ATP9B: variants seen among roughly 807,000 people sequenced by gnomAD.
The protein encoded by ATP9B is probable phospholipid-transporting ATPase IIB.
Under a neutral mutation model 146.1 loss-of-function variants are expected in ATP9B, and 110 were observed. The observed-to-expected ratio is 0.75, with a 90% CI of 0.65 to 0.88. ATP9B has a LOEUF of 0.88. Among genes scored for constraint, ATP9B ranks in the 40% least tolerant of loss-of-function variants. The probability of loss-of-function intolerance (pLI) is 0.00; values close to 1 mark genes in which losing one functional copy is unlikely to be tolerated. For missense variants in ATP9B, 1,499 were observed against 1,496.4 expected, an observed-to-expected ratio of 1.00 and a Z score of -0.03; for synonymous variants, 604 against 569.7, an observed-to-expected ratio of 1.06 and a Z score of -0.86.
chr18:79,154,438 G>A (rs2094741848), intron 6 of ATP9B, 66 bp from the exon 7 acceptor site: 1 of 1,115,912 alleles, frequency 9.0e-7, no homozygotes, highest in Non-Finnish European at 1.3e-6. Flanking sequence ...TTCTTATTTG[G>A]AATGGAATTG....
At chr18:79,279,140 T>A (rs764421244) in intron 13 of ATP9B, among the ~76,000 whole-genome samples, 10 of 151,896 alleles carry the variant, frequency 6.6e-5, no homozygotes, top group Non-Finnish European at 1.0e-4. Context: ...CCACCAGGAT[T>A]TGCTCATGTG....
intron 11 of ATP9B, among the ~76,000 whole-genome samples, chr18:79,238,912 A>C (rs752259031): frequency 9.2e-5 from 14 of 152,244 alleles, no homozygotes; most frequent in Non-Finnish European, 2.1e-4. Flanking sequence ...AGTAAGTGGG[A>C]GAATCAGAAA....
intron 6 of ATP9B, 113 bp from the exon 7 acceptor site, chr18:79,154,391 A>G (rs2094740685): frequency 4.1e-6 from 3 of 723,476 alleles, no homozygotes; most frequent in African/African-American, 3.8e-5. Context: ...TTTCAGCACA[A>G]TTTTAATTAT....
chr18:79,337,915 G>A lies in ATP9B; in HGVS notation c.2283+466G>A, dbSNP rs116088402. Among the ~76,000 whole-genome samples the A allele has an allele frequency of 6.5e-3, 993 of 152,306 alleles. 5 individuals are homozygous for A. Among genetic ancestry groups the A allele is most frequent in the African/African-American group, 0.022 (929 of 41,572 alleles). ...GCACCTGGCAAGGCTGGGCCACTGT[G>A]TTCTCTGTGTAACCTGGCCTCCTCC... is the stretch of plus-strand genomic sequence containing the variant. On this transcript the variant is annotated intron_variant, in intron 19 of 29. Transcript: ENST00000426216.
intron 4 of ATP9B, among the ~76,000 whole-genome samples, chr18:79,120,124 T>C (rs1321694496): frequency 6.6e-6 from 1 of 152,236 alleles, no homozygotes; most frequent in South Asian, 2.1e-4. Flanking sequence ...TTGCATTTTC[T>C]ATACCAGTTT....
At chr18:79,335,317 C>T (rs987463437) in intron 17 of ATP9B, among the ~76,000 whole-genome samples, 15 of 152,196 alleles carry the variant, frequency 9.9e-5, no homozygotes, top group African/African-American at 3.4e-4. Flanking sequence ...GGATGTGTGT[C>T]ACTGGTATGA....
At chr18:79,235,020 C>T (rs1429014255) in intron 11 of ATP9B, among the ~76,000 whole-genome samples, 2 of 152,004 alleles carry the variant, frequency 1.3e-5, no homozygotes, top group African/African-American at 4.8e-5. Flanking sequence ...CTACAGGTGC[C>T]CATGACCATG....
chr18:79,369,518 G>C (rs575018549), intron 26 of ATP9B, among the ~76,000 whole-genome samples: 1 of 122,972 alleles, frequency 8.1e-6, no homozygotes, highest in South Asian at 2.5e-4. Context: ...GGGCGACAGA[G>C]CAAGAGTCCG....
chr18:79,161,794 C>T (rs1239025854), intron 7 of ATP9B, among the ~76,000 whole-genome samples: 2 of 152,066 alleles, frequency 1.3e-5, no homozygotes, highest in South Asian at 2.1e-4. Flanking sequence ...TGCAGTGAGC[C>T]GAGTTCGCAC....
Position 79,365,805 on chromosome 18 carries a change from G to A in ATP9B, c.3012+6343G>A, listed in dbSNP as rs1424732852. ...TGGATGGAGGACAACTCCGTGGACG[G>A]GGACAGCCCGTGTGTGATGGAAGGA... On this transcript the variant is annotated intron_variant, in intron 26 of 29. Transcript: ENST00000426216. 2.6e-5 allele frequency among the ~76,000 whole-genome samples: 4 copies of A among 152,100 alleles called. No individual in the cohort carries two copies. The East Asian group carries it at 5.8e-4, about 22-fold the overall frequency.
chr18:79,351,463 C>T (rs1309730638), intron 25 of ATP9B, among the ~76,000 whole-genome samples: 1 of 152,160 alleles, frequency 6.6e-6, no homozygotes, highest in East Asian at 1.9e-4. Context: ...GGGGCGATGC[C>T]TTTAGTTAAG....
intron 10 of ATP9B, among the ~76,000 whole-genome samples, chr18:79,210,673 G>C (rs115585436): frequency 0.021 from 3,260 of 152,312 alleles, 53 homozygotes; most frequent in Middle Eastern, 0.044. Flanking sequence ...CTATCATCGG[G>C]TCCAGCCCGG....
intron 7 of ATP9B, among the ~76,000 whole-genome samples, chr18:79,157,419 A>C (rs371023002): frequency 0.061 from 9,046 of 148,854 alleles, 440 homozygotes; most frequent in Non-Finnish European, 0.092. Context: ...AAAAAAAAAA[A>C]AAAAACATGT....
At chr18:79,150,769 C>T (rs2094676136) in intron 6 of ATP9B, among the ~76,000 whole-genome samples, 1 of 152,042 alleles carries the variant, frequency 6.6e-6, no homozygotes, top group Admixed American at 6.6e-5. Flanking sequence ...GCGAGAGGAT[C>T]ACATAAAACT....
chr18:79,118,210 A>G (rs1183481912), intron 4 of ATP9B, among the ~76,000 whole-genome samples: 2 of 152,162 alleles, frequency 1.3e-5, no homozygotes, highest in East Asian at 3.8e-4. Context: ...GTGATTGTTA[A>G]CGATTGCTTA....
In ATP9B at chr18:79,118,390, G is replaced by GGTTTTTTTTTTTTTTTTTTTTT. The variant is rs1555689295; in HGVS notation, c.558+5036_558+5037insGTTTTTTTTTTTTTTTTTTTTT. On this transcript the variant is annotated intron_variant, in intron 4 of 29. Coordinates refer to ENST00000426216, the MANE Select transcript of ATP9B (RefSeq NM_198531.5). ...AAACACAATCATATTGAACGTTTTT[G>GGTTTTTTTTTTTTTTTTTTTTT]TTTTTTTTTTTTTTTTTTTTTTTTT... is the stretch of plus-strand genomic sequence containing the variant. 2.1e-5 allele frequency among the ~76,000 whole-genome samples: 2 copies of GGTTTTTTTTTTTTTTTTTTTTT among 93,238 alleles called. 1 individual carries two copies. 61.2% of individuals were successfully genotyped at this position (93,238 alleles called of 152,430 possible).
chr18:79,102,468 G>C (rs1480778567), intron 2 of ATP9B, among the ~76,000 whole-genome samples: 1 of 152,066 alleles, frequency 6.6e-6, no homozygotes, highest in Non-Finnish European at 1.5e-5. Context: ...GCTGTCTGTG[G>C]CCTTGGTTCT....
intron 7 of ATP9B, among the ~76,000 whole-genome samples, chr18:79,171,116 G>T (rs1011325043): frequency 6.6e-5 from 10 of 152,256 alleles, no homozygotes; most frequent in African/African-American, 2.4e-4. Flanking sequence ...CTTAAAAACA[G>T]AATTAAAATT....
intron 1 of ATP9B, among the ~76,000 whole-genome samples, chr18:79,088,931 A>T (rs1025055876): frequency 6.6e-6 from 1 of 152,058 alleles, no homozygotes. Flanking sequence ...ATTGTTCTCC[A>T]CTCTTACCAG....
Sources: gnomAD v4.1 joint callset for allele counts (sites outside exome capture counted in the v4.1 genomes callset) on GRCh38, gnomAD v4.1.1 for gene constraint, MANE v1.5 for transcripts, NCBI Gene and HGNC (gene_info 2026-07-23, HGNC 2026-07-21) for gene names.